The following ARHGAP32 variants were observed in gnomAD, a reference collection of about 807,000 sequenced individuals.
ARHGAP32 encodes the protein Rho GTPase activating protein 32, also known as rho GTPase-activating protein 32.
ARHGAP32 carries 51 observed loss-of-function variants against 186.5 expected under a neutral mutation model. That is an observed-to-expected ratio of 0.27 (90% CI 0.22 to 0.35). The LOEUF (loss-of-function observed/expected upper bound fraction) is 0.35, where lower values mean the gene tolerates loss of function less well. ARHGAP32 is among the 10% of genes least tolerant of loss of function. The pLI, the probability that ARHGAP32 is intolerant of heterozygous loss-of-function variation, is 1.00. For synonymous variants in ARHGAP32, 950 were observed against 964.3 expected (o/e 0.99, Z 0.27); for missense variants, 2,186 against 2,623.5 (o/e 0.83, Z 3.64).
At chr11:129,270,056 C>A (rs540937596) in intron 1 of ARHGAP32, among the ~76,000 whole-genome samples, 65 of 150,440 alleles carry the variant, frequency 4.3e-4, no homozygotes, top group African/African-American at 1.4e-3. Context: ...AAAAAAAAAA[C>A]CACACCCAGA....
chr11:129,111,530 AT>A (rs1942215066), intron 5 of ARHGAP32, among the ~76,000 whole-genome samples: 1 of 152,034 alleles, frequency 6.6e-6, no homozygotes, highest in South Asian at 2.1e-4. Context: ...CATTCCTGAG[AT>A]TTTCATTGTT....
chr11:129,239,278 T>A (rs1336721438), intron 1 of ARHGAP32, among the ~76,000 whole-genome samples: 3 of 152,198 alleles, frequency 2.0e-5, no homozygotes, highest in Non-Finnish European at 4.4e-5. Context: ...TATACCTAAC[T>A]TTTTTTGTGT....
rs530263112 is a variant in ARHGAP32 at position 129,075,403 on chromosome 11, A to G, written c.532-8535T>C. Among the ~76,000 whole-genome samples, 21 of 152,352 alleles carry G rather than the reference A, an allele frequency of 1.4e-4. No homozygotes were observed. In the East Asian group the frequency reaches 4.0e-3, roughly 29 times the overall value. The stretch of plus-strand genomic sequence containing the variant: ...GTTATGAGGGATAAATGGGGCACTC[A>G]GTAATGTCAAATGGATCAATACTCC... On this transcript the variant is annotated intron_variant, in intron 6 of 22. Transcript: ENST00000682385.
intron 11 of ARHGAP32, among the ~76,000 whole-genome samples, chr11:129,008,287 TA>T (rs1937890691): frequency 6.6e-6 from 1 of 152,168 alleles, no homozygotes; most frequent in Non-Finnish European, 1.5e-5. Flanking sequence ...TGGAGCCTTT[TA>T]TTTGGCCATC....
At chr11:129,230,653 T>G (rs571033488) in intron 1 of ARHGAP32, among the ~76,000 whole-genome samples, 1 of 152,336 alleles carries the variant, frequency 6.6e-6, no homozygotes, top group South Asian at 2.1e-4. Flanking sequence ...AAAATATTAT[T>G]TCTCATGTAT....
At chr11:129,131,497 C>G (rs936537413) in intron 2 of ARHGAP32, among the ~76,000 whole-genome samples, 6 of 151,692 alleles carry the variant, frequency 4.0e-5, no homozygotes, top group African/African-American at 1.5e-4. Context: ...TCAAAACCAC[C>G]CAAAGAAAAC....
Position 128,974,703 on chromosome 11 carries a change from A to G in ARHGAP32, c.2494T>C (p.Phe832Leu). 6.2e-7 allele frequency: 1 copy of G among 1,614,186 alleles called. No individual in the cohort carries two copies. Among genetic ancestry groups the G allele is most frequent in the Middle Eastern group, 1.6e-4 (1 of 6,062 alleles). ...ESECLESGAS[F>L]LDSPGYSKDK... Reference sequence around the variant, plus strand: ...TTGGAGTATCCTGGTGAATCTAAAAAGGAAGCACCACTCTCCAGACATTCT... The same window carrying G: ...TTGGAGTATCCTGGTGAATCTAAAAGGGAAGCACCACTCTCCAGACATTCT... Residue 832 changes from phenylalanine to leucine, a missense_variant, in exon 21 of 23, where the codon TTT becomes CTT. Physicochemically the swap from Phe to Leu is conservative, Grantham distance 22. Transcript: ENST00000682385.
In ARHGAP32 at chr11:128,974,161, A is replaced by G; in HGVS notation, c.3036T>C (p.Ser1012=). The G allele has an allele frequency of 6.2e-7, 1 of 1,614,210 alleles. No homozygotes were observed. Among genetic ancestry groups the G allele is most frequent in the Non-Finnish European group, 8.5e-7 (1 of 1,180,028 alleles). ...PGKEDQSVSS[S]QSKAVASGQT... ...GTCCAGAAGCTACAGCCTTACTCTG[A>G]CTGCTTGAGACAGACTGATCCTCTT... Residue 1012 remains serine (S), a synonymous_variant, in exon 21 of 23, where the codon AGT becomes AGC. Transcript: ENST00000682385.
chr11:129,096,554 T>C (rs1047016620), intron 5 of ARHGAP32, among the ~76,000 whole-genome samples: 2 of 141,292 alleles, frequency 1.4e-5, no homozygotes, highest in Non-Finnish European at 3.1e-5. Flanking sequence ...GCCACCCCTA[T>C]AGCAGGCAGC....
chr11:129,086,665 C>T (rs562250757), intron 6 of ARHGAP32, among the ~76,000 whole-genome samples: 7 of 151,870 alleles, frequency 4.6e-5, no homozygotes, highest in Admixed American at 2.0e-4. Context: ...ACTAAAAATA[C>T]AAAAAATTAG....
chr11:129,088,657 T>C (rs976874492), intron 6 of ARHGAP32, among the ~76,000 whole-genome samples: 7 of 152,208 alleles, frequency 4.6e-5, no homozygotes, highest in African/African-American at 1.4e-4. Flanking sequence ...AGAGTATTTT[T>C]AAAGTTCAAT....
intron 1 of ARHGAP32, among the ~76,000 whole-genome samples, chr11:129,267,624 G>A (rs975364925): frequency 2.0e-5 from 3 of 152,194 alleles, no homozygotes. Flanking sequence ...GATAAAATCA[G>A]CAATGGAACA....
chr11:129,140,013 G>C (rs915216390), intron 2 of ARHGAP32, among the ~76,000 whole-genome samples: 4 of 152,092 alleles, frequency 2.6e-5, no homozygotes, highest in South Asian at 2.1e-4. Flanking sequence ...TCCCAGGTCA[G>C]TCGATCTTAA....
intron 1 of ARHGAP32, among the ~76,000 whole-genome samples, chr11:129,168,478 A>G (rs1057349310): frequency 6.6e-6 from 1 of 152,240 alleles, no homozygotes; most frequent in African/African-American, 2.4e-5. Flanking sequence ...TTTATATGCA[A>G]TAAGTTGTAA....
chr11:129,013,453 C>T (rs909531284), intron 11 of ARHGAP32, among the ~76,000 whole-genome samples: 4 of 152,140 alleles, frequency 2.6e-5, no homozygotes, highest in South Asian at 2.1e-4. Context: ...TAAAGTCTTA[C>T]GTGATTCCAA....
intron 11 of ARHGAP32, among the ~76,000 whole-genome samples, chr11:129,000,607 T>C (rs954079209): frequency 3.9e-5 from 6 of 152,226 alleles, no homozygotes; most frequent in Non-Finnish European, 7.3e-5. Context: ...GCATTTATCC[T>C]TTGTGTTGCA....
At position 129,099,835 on chromosome 11, in the gene ARHGAP32, A is replaced by T. The variant is rs553950783; in HGVS notation, c.445-6128T>A. Among the ~76,000 whole-genome samples, 494 of 151,988 alleles carry T rather than the reference A, an allele frequency of 3.3e-3. 1 individual carries two copies. Among genetic ancestry groups the T allele is most frequent in the African/African-American group, 0.011 (476 of 41,460 alleles). ...AGACCAAGATGACTGGCGTGCTTCT[A>T]ACAGATCTTCAGAGGGAAGGCACCC... is the stretch of plus-strand genomic sequence containing the variant. On this transcript the variant is annotated intron_variant, in intron 5 of 22. Transcript: ENST00000682385.
At chr11:129,253,520 C>T (rs1945213968) in intron 1 of ARHGAP32, among the ~76,000 whole-genome samples, 1 of 152,086 alleles carries the variant, frequency 6.6e-6, no homozygotes, top group African/African-American at 2.4e-5. Context: ...ACACTATTAA[C>T]TAAATTACAT....
intron 1 of ARHGAP32, among the ~76,000 whole-genome samples, chr11:129,212,406 A>G (rs753798132): frequency 2.0e-5 from 3 of 152,140 alleles, no homozygotes; most frequent in Non-Finnish European, 2.9e-5. Flanking sequence ...ATGCACATAC[A>G]GAAAGTTTTA....
Sources: gnomAD v4.1 joint callset for allele counts (sites outside exome capture counted in the v4.1 genomes callset) on GRCh38, gnomAD v4.1.1 for gene constraint, MANE v1.5 for transcripts, NCBI Gene and HGNC (gene_info 2026-07-23, HGNC 2026-07-21) for gene names.